The following CA10 variants were observed in gnomAD, a reference collection of about 807,000 sequenced individuals.
The protein encoded by CA10 is carbonic anhydrase-related protein 10.
Under a neutral mutation model 44.2 loss-of-function variants are expected in CA10, and 14 were observed. The ratio of observed to expected loss-of-function variants is 0.32; its 90% confidence interval spans 0.21 to 0.50. The LOEUF is 0.50. Among genes scored for constraint, CA10 ranks in the 20% least tolerant of loss-of-function variants. CA10 has a pLI of 0.99. For synonymous variants in CA10, 159 were observed against 141.6 expected (o/e 1.12, Z -0.87); for missense variants, 350 against 409.7 (o/e 0.85, Z 1.26).
intron 2 of CA10, among the ~76,000 whole-genome samples, chr17:51,985,529 A>C (rs1036771363): frequency 2.0e-5 from 3 of 151,906 alleles, no homozygotes; most frequent in African/African-American, 7.2e-5. Flanking sequence ...GACAAGAGAA[A>C]AAATAAAGGG....
At chr17:51,820,790 T>C (rs1567850636) in intron 3 of CA10, among the ~76,000 whole-genome samples, 1 of 152,032 alleles carries the variant, frequency 6.6e-6, no homozygotes, top group Non-Finnish European at 1.5e-5. Context: ...CCAGAATTAG[T>C]GTGAGGGTTA....
intron 3 of CA10, among the ~76,000 whole-genome samples, chr17:51,923,853 A>G (rs144935666): frequency 6.6e-6 from 1 of 152,150 alleles, no homozygotes; most frequent in East Asian, 1.9e-4. Flanking sequence ...ACTTTTGGTG[A>G]ATTCCACCTA....
chr17:51,700,227 G>A (rs1281648981), intron 4 of CA10, among the ~76,000 whole-genome samples: 6 of 152,178 alleles, frequency 3.9e-5, no homozygotes, highest in African/African-American at 1.2e-4. Context: ...CGCCTAACAG[G>A]TCTCACTGCT....
At chr17:51,861,352 G>A (rs1326980538) in intron 3 of CA10, among the ~76,000 whole-genome samples, 1 of 151,970 alleles carries the variant, frequency 6.6e-6, no homozygotes, top group African/African-American at 2.4e-5. Flanking sequence ...TTTTCTAAAT[G>A]CATGAGTTAA....
chr17:51,698,619 CG>C (rs1335312872), intron 4 of CA10, among the ~76,000 whole-genome samples: 2 of 152,134 alleles, frequency 1.3e-5, no homozygotes, highest in Non-Finnish European at 2.9e-5. Context: ...ATACACAATA[CG>C]GTATTGTTAA....
intron 3 of CA10, among the ~76,000 whole-genome samples, chr17:51,814,381 G>T (rs1311484855): frequency 1.3e-5 from 2 of 152,132 alleles, no homozygotes; most frequent in African/African-American, 4.8e-5. Flanking sequence ...AGAGGCTCCA[G>T]AGGCATTTTA....
intron 1 of CA10, among the ~76,000 whole-genome samples, chr17:52,126,106 T>C (rs1318105385): frequency 6.6e-6 from 1 of 152,200 alleles, no homozygotes; most frequent in Non-Finnish European, 1.5e-5. Flanking sequence ...ATGTAATATA[T>C]ACTAGTGGTA....
chr17:51,959,811 AAAGG>A (rs1158506026), intron 2 of CA10, among the ~76,000 whole-genome samples: 252 of 150,526 alleles, frequency 1.7e-3, no homozygotes, highest in African/African-American at 5.9e-3. Flanking sequence ...AAAAAAAAAA[AAAGG>A]AAAGAAAAGA....
At chr17:51,789,479 A>G (rs541235620) in intron 3 of CA10, among the ~76,000 whole-genome samples, 1 of 152,322 alleles carries the variant, frequency 6.6e-6, no homozygotes, top group South Asian at 2.1e-4. Context: ...AATCCTGGCA[A>G]GTAGCAGCTT....
At chr17:51,824,586 TTC>T (rs1907937910) in intron 3 of CA10, among the ~76,000 whole-genome samples, 7 of 152,340 alleles carry the variant, frequency 4.6e-5, no homozygotes, top group Admixed American at 2.6e-4. Context: ...TTATTGATTT[TTC>T]CCTTTTGCCT....
chr17:51,717,610 T>A (rs117160040), intron 4 of CA10, among the ~76,000 whole-genome samples: 8,914 of 100,448 alleles, frequency 0.089, 1,884 homozygotes, highest in East Asian at 0.21. Context: ...TATATACATG[T>A]ATACATGTAT....
chr17:52,100,962 C>T (rs1988524411), intron 1 of CA10, among the ~76,000 whole-genome samples: 1 of 152,202 alleles, frequency 6.6e-6, no homozygotes, highest in South Asian at 2.1e-4. Context: ...CTCTGACTTA[C>T]AGTCCAGATA....
At chr17:52,087,775 T>C (rs555913055) in intron 1 of CA10, among the ~76,000 whole-genome samples, 5 of 152,272 alleles carry the variant, frequency 3.3e-5, no homozygotes, top group South Asian at 2.1e-4. Context: ...GAATTATACA[T>C]GTGAAAGGGA....
intron 3 of CA10, among the ~76,000 whole-genome samples, chr17:51,880,352 GC>G: frequency 6.6e-6 from 1 of 151,978 alleles, no homozygotes; most frequent in Non-Finnish European, 1.5e-5. Context: ...TGTCACCCAG[GC>G]TGGAGTGCAG....
chr17:52,031,350 T>C (rs1452730798), intron 2 of CA10, among the ~76,000 whole-genome samples: 1 of 151,880 alleles, frequency 6.6e-6, no homozygotes, highest in Non-Finnish European at 1.5e-5. Flanking sequence ...GGGTTTTGCA[T>C]TGTTAGCCAG....
chr17:51,733,222 C>T (rs2143566275), intron 4 of CA10, among the ~76,000 whole-genome samples: 1 of 152,294 alleles, frequency 6.6e-6, no homozygotes, highest in Middle Eastern at 3.4e-3. Flanking sequence ...CTTAATATAG[C>T]TTTTCTATGA....
chr17:51,808,643 G>C (rs769460174), intron 3 of CA10, among the ~76,000 whole-genome samples: 8 of 152,180 alleles, frequency 5.3e-5, no homozygotes, highest in Non-Finnish European at 2.9e-5. Flanking sequence ...GCATCTGCTA[G>C]ATGGAATATA....
chr17:51,800,234 C>T (rs1272008893), intron 3 of CA10, among the ~76,000 whole-genome samples: 1 of 152,008 alleles, frequency 6.6e-6, no homozygotes, highest in Non-Finnish European at 1.5e-5. Context: ...ACGTTAAATG[C>T]AGGAAAACAG....
At chr17:51,723,302 G>A (rs1347199947) in intron 4 of CA10, among the ~76,000 whole-genome samples, 4 of 152,178 alleles carry the variant, frequency 2.6e-5, no homozygotes, top group Admixed American at 6.5e-5. Context: ...AAAAATTAGC[G>A]CTGAATGTCA....
Sources: gnomAD v4.1 joint callset for allele counts (sites outside exome capture counted in the v4.1 genomes callset) on GRCh38, gnomAD v4.1.1 for gene constraint, MANE v1.5 for transcripts, NCBI Gene and HGNC (gene_info 2026-07-23, HGNC 2026-07-21) for gene names.